Variants in SMG7 observed in about 807,000 individuals in gnomAD.
The protein encoded by SMG7 is nonsense-mediated mRNA decay factor SMG7.
In SMG7, 34 loss-of-function variants were observed where a neutral mutation model predicts 148.2. The ratio of observed to expected loss-of-function variants is 0.23; its 90% CI spans 0.17 to 0.31. SMG7 has a LOEUF of 0.31. SMG7 is among the 10% of genes least tolerant of loss of function. The pLI, the probability that SMG7 is intolerant of heterozygous loss-of-function variation, is 1.00. For missense variants in SMG7, 1,114 were observed against 1,408.4 expected, an observed-to-expected ratio of 0.79 and a Z score of 3.35; for synonymous variants, 492 against 515.1, an observed-to-expected ratio of 0.96 and a Z score of 0.61.
intron 1 of SMG7, among the ~76,000 whole-genome samples, chr1:183,474,449 G>A (rs1215087098): frequency 2.0e-5 from 3 of 152,018 alleles, no homozygotes; most frequent in African/African-American, 4.8e-5. Context: ...CTGTAATGCC[G>A]GCTACTCGGG....
chr1:183,532,252 C>T (rs886893945), intron 8 of SMG7, among the ~76,000 whole-genome samples: 8 of 152,078 alleles, frequency 5.3e-5, no homozygotes, highest in East Asian at 3.9e-4. Context: ...ATCTGTTTTC[C>T]GCCATAATGC....
At chr1:183,511,282 AG>A (rs1662090127) in intron 1 of SMG7, among the ~76,000 whole-genome samples, 1 of 152,200 alleles carries the variant, frequency 6.6e-6, no homozygotes, top group Admixed American at 6.5e-5. Context: ...AGTTGTGATG[AG>A]CATTCTTAAA....
chr1:183,545,433 G>T, intron 16 of SMG7, 121 bp downstream of exon 16: 1 of 1,169,526 alleles, frequency 8.6e-7, no homozygotes, highest in Non-Finnish European at 1.2e-6. Context: ...TAGTGATTAT[G>T]GGAAAACAAA....
At chr1:183,524,871 T>TTATATTGTG (rs1665514655) in intron 4 of SMG7, among the ~76,000 whole-genome samples, 1 of 152,154 alleles carries the variant, frequency 6.6e-6, no homozygotes, top group Non-Finnish European at 1.5e-5. Flanking sequence ...GTGTGTCATG[T>TTATATTGTG]TGTCTGTCCT....
rs745714959 is a variant in SMG7 at position 183,528,926 on chromosome 1, T to C, written c.591T>C (p.Ser197=). 5 of 1,613,426 alleles carry C rather than the reference T, an allele frequency of 3.1e-6. No homozygotes were observed. ...ATAATCAGTTGGCTATCTTAGCTTC[T>C]TCCAAAGGAGACCATCTGACCACAA... ...QPYNQLAILA[S]SKGDHLTTIF... Residue 197 remains serine, a synonymous_variant, in exon 7 of 23, where the codon TCT becomes TCC. Coordinates refer to ENST00000688051, the MANE Select transcript of SMG7 (RefSeq NM_001375584.1).
rs201246031 is a variant in SMG7 at position 183,526,137 on chromosome 1, AAT to A, written c.313-440_313-439del. ...GTTATCCTGTGAAAGATTAACGTAT[AAT>A]ATATATATATATATATATTTTTTTT... On this transcript the variant is annotated intron_variant, in intron 4 of 22. Coordinates refer to ENST00000688051, the MANE Select transcript of SMG7 (RefSeq NM_001375584.1). Among the ~76,000 whole-genome samples, 456 of 139,704 alleles carry A rather than the reference AAT, an allele frequency of 3.3e-3. 3 individuals carry two copies. Among genetic ancestry groups the A allele is most frequent in the African/African-American group, 6.0e-3 (225 of 37,676 alleles). The allele number at this position is 139,704 out of a possible 152,430, so 91.7% of individuals were successfully genotyped here. A position where few individuals can be genotyped will look rare whatever the true frequency, so the allele number is the denominator to read the frequency against.
In SMG7 at chr1:183,545,269, C is replaced by T. The variant is rs779451269; in HGVS notation, c.2327C>T (p.Pro776Leu). Residue 776 changes from proline (P) to leucine (L), a missense_variant, in exon 16 of 23, where the codon CCG becomes CTG. Pro to Leu is a moderately conservative substitution (Grantham distance 98, BLOSUM62 -3). Transcript: ENST00000688051. ...QQQQSPTKAV[P>L]ALGKSPPHHS... ...CAACAATCCCCTACAAAAGCTGTGC[C>T]GGCTTTGGGGAAAAGCCCGCCTCAC... 5.0e-6 allele frequency: 8 copies of T among 1,612,954 alleles called. No individual in the cohort carries two copies. The South Asian group carries it at 6.6e-5, about 13-fold the overall frequency.
intron 4 of SMG7, among the ~76,000 whole-genome samples, chr1:183,518,211 G>A (rs1170405303): frequency 6.6e-6 from 1 of 152,004 alleles, no homozygotes; most frequent in Admixed American, 6.6e-5. Flanking sequence ...GCCTACCAAA[G>A]TGCTGGGATT....
chr1:183,542,600 G>A lies in SMG7; in HGVS notation c.1842+98G>A, dbSNP rs142442509. The A allele has an allele frequency of 2.5e-4, 248 of 996,440 alleles. 3 individuals carry two copies. The East Asian group carries it at 5.6e-3, about 22-fold the overall frequency. The allele number at this position is 996,440 out of a possible 1,614,324, so 61.7% of individuals were successfully genotyped here. ...AAAGCCATGAGAATTGGCCGTCCTG[G>A]AAGTTTAAATGCATTATTTAATTGC... is the stretch of plus-strand genomic sequence containing the variant. On this transcript the variant is annotated intron_variant, in intron 14 of 22. Coordinates refer to ENST00000688051, the MANE Select transcript of SMG7 (RefSeq NM_001375584.1).
In SMG7 at chr1:183,553,380, TCTC is replaced by T; in HGVS notation, c.*1452_*1454del. The T allele has an allele frequency of 1.5e-6, 1 of 683,584 alleles. No individual in the cohort carries two copies. Among genetic ancestry groups the T allele is most frequent in the Non-Finnish European group, 2.4e-6 (1 of 420,006 alleles). 42.3% of individuals were successfully genotyped at this position (683,584 alleles called of 1,614,324 possible). ...GGTAGGGTTTATTTTCTGGGAGGTCTCTCCTTTGTGTGTCTGTATGTTTGTGTA... is the reference window on the plus strand; with the variant it reads ...GGTAGGGTTTATTTTCTGGGAGGTCTCTTTGTGTGTCTGTATGTTTGTGTA... On this transcript the variant is annotated 3_prime_UTR_variant, in exon 23 of 23. Transcript: ENST00000688051.
chr1:183,526,698 A>T lies in SMG7; in HGVS notation c.415A>T (p.Ile139Leu). The change falls in exon 5 of 23, where the codon ATA becomes TTA. Residue 139 changes from isoleucine (I) to leucine (L), a missense_variant. By Grantham distance (5) the Ile-to-Leu change is conservative. Coordinates refer to ENST00000688051, the MANE Select transcript of SMG7 (RefSeq NM_001375584.1). The stretch of plus-strand genomic sequence containing the variant: ...CAATAAACAGACGCATACCAGCGCC[A>T]TAGTGAAGCCACAGTCTAGCTCCTG... Reference protein sequence around the residue: ...ISNKQTHTSAIVKPQSSSCSY... With the variant: ...ISNKQTHTSALVKPQSSSCSY... 1 of 1,613,910 alleles carries T rather than the reference A, an allele frequency of 6.2e-7. No homozygotes were observed. The highest frequency in any genetic ancestry group is 1.1e-5 in the South Asian group (1 of 91,002).
In SMG7 at chr1:183,538,426, G is replaced by A. The variant is rs377000417; in HGVS notation, c.1281G>A (p.Leu427=). The change falls in exon 12 of 23, where the codon TTG becomes TTA. Residue 427 remains leucine, a synonymous_variant. Transcript: ENST00000688051. ...EEFELQGFLA[L]RPSFRNLDFS... Reference sequence around the variant, plus strand: ...TTGAATTACAAGGATTTTTGGCATTGAGACCTTCTTTCAGGTAGGTGATAG... The same window carrying A: ...TTGAATTACAAGGATTTTTGGCATTAAGACCTTCTTTCAGGTAGGTGATAG... 1.2e-5 allele frequency: 19 copies of A among 1,611,236 alleles called. No individual in the cohort carries two copies. The highest frequency in any genetic ancestry group is 6.7e-5 in the Admixed American group (4 of 59,994).
intron 4 of SMG7, among the ~76,000 whole-genome samples, chr1:183,523,207 C>T (rs528149473): frequency 6.6e-6 from 1 of 152,260 alleles, no homozygotes; most frequent in South Asian, 2.1e-4. Context: ...TCTATACCTT[C>T]ATAATCAATC....
intron 10 of SMG7, 43 bp from the exon 11 acceptor site, chr1:183,537,102 T>C (rs1488512474): frequency 7.1e-7 from 1 of 1,400,666 alleles, no homozygotes; most frequent in Non-Finnish European, 1.0e-6. Context: ...TTCTGGTTTC[T>C]CTTACATAAA....
chr1:183,476,747 T>C (rs1450144497), intron 1 of SMG7, among the ~76,000 whole-genome samples: 2 of 127,142 alleles, frequency 1.6e-5, no homozygotes, highest in African/African-American at 6.1e-5. Flanking sequence ...GAAAATACTT[T>C]GTTATGTTTT....
intron 1 of SMG7, among the ~76,000 whole-genome samples, chr1:183,491,859 C>T (rs1013461172): frequency 2.6e-5 from 4 of 152,204 alleles, no homozygotes; most frequent in Non-Finnish European, 5.9e-5. Context: ...AGCCCAGTCT[C>T]TGCTTCCAAG....
In SMG7 at chr1:183,477,644, A is replaced by G. The variant is rs929469564; in HGVS notation, c.29+4995A>G. Among the ~76,000 whole-genome samples the G allele has an allele frequency of 2.5e-3, 320 of 127,558 alleles. 3 individuals carry two copies. Among genetic ancestry groups the G allele is most frequent in the Admixed American group, 3.5e-3 (45 of 12,794 alleles). The allele number at this position is 127,558 out of a possible 152,430, so 83.7% of individuals were successfully genotyped here. Reference sequence around the variant, plus strand: ...TGTGCATATGTGTATATATGCATATATACGTGTGTGCATATGTGTATATAT... The same window carrying G: ...TGTGCATATGTGTATATATGCATATGTACGTGTGTGCATATGTGTATATAT... On this transcript the variant is annotated intron_variant, in intron 1 of 22. Coordinates refer to ENST00000688051, the MANE Select transcript of SMG7 (RefSeq NM_001375584.1).
intron 1 of SMG7, among the ~76,000 whole-genome samples, chr1:183,492,418 C>T (rs1657285000): frequency 6.6e-6 from 1 of 152,210 alleles, no homozygotes; most frequent in African/African-American, 2.4e-5. Context: ...TATTTCTCTG[C>T]ATGTCTTTCC....
chr1:183,541,448 G>A (rs1331495725), intron 13 of SMG7, among the ~76,000 whole-genome samples: 1 of 152,200 alleles, frequency 6.6e-6, no homozygotes, highest in African/African-American at 2.4e-5. Flanking sequence ...GCCTGGGCAT[G>A]GTAGTCAGTT....
Sources: allele counts gnomAD v4.1 joint callset (sites outside exome capture counted in the v4.1 genomes callset), GRCh38; gene constraint gnomAD v4.1.1; transcripts MANE v1.5; gene names NCBI Gene and HGNC (gene_info 2026-07-23, HGNC 2026-07-21).